Variants in PKD1L3 observed in about 807,000 individuals in gnomAD.
PKD1L3 encodes the protein polycystin-1-like protein 3.
A neutral mutation model predicts 184.1 loss-of-function variants in PKD1L3; 239 were observed. The ratio of observed to expected loss-of-function variants is 1.30; its 90% confidence interval spans 1.17 to 1.45. The LOEUF is 1.45. Among genes scored for constraint, PKD1L3 ranks in the 40% most tolerant of loss-of-function variants. The pLI is 0.00. For synonymous variants in PKD1L3, 996 were observed against 778.8 expected, an observed-to-expected ratio of 1.28 and a Z score of -4.64; for missense variants, 2,660 against 2,067.2, an observed-to-expected ratio of 1.29 and a Z score of -5.56.
chr16:71,935,332 GC>G, intron 26 of PKD1L3, 25 bp downstream of exon 26: 1 of 1,545,560 alleles, frequency 6.5e-7, no homozygotes, highest in Admixed American at 2.0e-5. Flanking sequence ...GTAGGAATAT[GC>G]TGTGCCCCTC....
intron 29 of PKD1L3, 135 bp from the exon 30 acceptor site, chr16:71,929,813 C>T (rs1207584626): frequency 4.9e-6 from 5 of 1,030,472 alleles, no homozygotes; most frequent in Admixed American, 5.9e-5. Context: ...TGCAGTCAGG[C>T]ATTGGAGTGT....
chr16:71,972,060 C>T (rs2039732770), intron 12 of PKD1L3, among the ~76,000 whole-genome samples: 1 of 151,934 alleles, frequency 6.6e-6, no homozygotes, highest in African/African-American at 2.4e-5. Flanking sequence ...AATAAACATA[C>T]ACAAAATTAG....
At chr16:71,931,293 C>T (rs16973500) in intron 28 of PKD1L3, 20,978 of 152,030 alleles carry the variant, frequency 0.14, 1,771 homozygotes, top group South Asian at 0.38. Context: ...AGAACCACAA[C>T]AGAACACAGC....
At chr16:71,984,742 C>CA (rs1395532214) in intron 5 of PKD1L3, among the ~76,000 whole-genome samples, 1 of 152,154 alleles carries the variant, frequency 6.6e-6, no homozygotes, top group Non-Finnish European at 1.5e-5. Flanking sequence ...ACCTGTAGTC[C>CA]CAGCTACTCG....
intron 21 of PKD1L3, among the ~76,000 whole-genome samples, chr16:71,948,002 C>T (rs980746683): frequency 2.0e-5 from 3 of 151,968 alleles, no homozygotes; most frequent in Non-Finnish European, 2.9e-5. Context: ...CTGCAACCTC[C>T]GCTTCCTGGG....
Position 71,984,070 on chromosome 16 carries a change from G to A in PKD1L3, c.932C>T (p.Thr311Ile). The A allele has an allele frequency of 6.4e-7, 1 of 1,552,266 alleles. No homozygotes were observed. The highest frequency in any genetic ancestry group is 8.7e-7 in the Non-Finnish European group (1 of 1,147,082). The change falls in exon 6 of 30, where the codon ACA (threonine) becomes ATA (isoleucine). Residue 311 changes from threonine to isoleucine, a missense_variant. Physicochemically the swap from Thr to Ile is moderately conservative, Grantham distance 89. Transcript: ENST00000620267. ...QEACEFLQKLTALTPRFSKPA... is the reference protein window; with the variant it reads ...QEACEFLQKLIALTPRFSKPA... Reference sequence around the variant, plus strand: ...CTTAGAAAATCTTGGGGTTAAGGCTGTTAGTTTCTGGAGGAACTCACAAGC... The same window carrying A: ...CTTAGAAAATCTTGGGGTTAAGGCTATTAGTTTCTGGAGGAACTCACAAGC...
intron 1 of PKD1L3, among the ~76,000 whole-genome samples, chr16:71,998,719 A>C (rs1317154295): frequency 6.6e-6 from 1 of 152,106 alleles, no homozygotes; most frequent in Non-Finnish European, 1.5e-5. Context: ...CCAAAGTGCT[A>C]GGATTACAGG....
At chr16:71,982,913 A>T (rs1387370925) in intron 6 of PKD1L3, among the ~76,000 whole-genome samples, 1 of 152,160 alleles carries the variant, frequency 6.6e-6, no homozygotes, top group East Asian at 1.9e-4. Flanking sequence ...TTCAATTTGC[A>T]TACTTCTTAT....
At chr16:71,999,046 C>T (rs930759886) in intron 1 of PKD1L3, among the ~76,000 whole-genome samples, 1 of 151,810 alleles carries the variant, frequency 6.6e-6, no homozygotes, top group Non-Finnish European at 1.5e-5. Flanking sequence ...CCGAGGCGGG[C>T]GGATCACGAG....
chr16:71,932,118 A>C (rs1044835686), intron 28 of PKD1L3, among the ~76,000 whole-genome samples: 1 of 152,230 alleles, frequency 6.6e-6, no homozygotes, highest in Non-Finnish European at 1.5e-5. Context: ...GATTGGTTGA[A>C]TCTGTGGATG....
intron 3 of PKD1L3, among the ~76,000 whole-genome samples, chr16:71,992,428 C>A (rs534299828): frequency 6.6e-6 from 1 of 152,312 alleles, no homozygotes; most frequent in South Asian, 2.1e-4. Flanking sequence ...AAGCATTGCT[C>A]TCACTAAACT....
At chr16:71,996,253 C>CTTTTTT (rs67457253) in intron 2 of PKD1L3, among the ~76,000 whole-genome samples, 3 of 67,896 alleles carry the variant, frequency 4.4e-5, no homozygotes, top group Non-Finnish European at 7.5e-5. Flanking sequence ...CCTCCCCCGC[C>CTTTTTT]TTTTTTTTTT....
chr16:71,970,276 C>T (rs1052125118), intron 12 of PKD1L3, among the ~76,000 whole-genome samples, 171 bp from the exon 13 acceptor site: 1 of 152,190 alleles, frequency 6.6e-6, no homozygotes. Context: ...TTAGCAACAT[C>T]TAGTACAGCT....
intron 28 of PKD1L3, among the ~76,000 whole-genome samples, chr16:71,931,962 C>T (rs2037989363): frequency 6.6e-6 from 1 of 152,112 alleles, no homozygotes; most frequent in Non-Finnish European, 1.5e-5. Flanking sequence ...CTCATTGCAT[C>T]CTCACTCCTG....
intron 28 of PKD1L3, among the ~76,000 whole-genome samples, chr16:71,931,469 T>TA (rs1209634118): frequency 6.8e-5 from 10 of 147,174 alleles, no homozygotes; most frequent in Admixed American, 6.1e-4. Context: ...CCCACTTTTT[T>TA]TTTTTTTTTT....
At chr16:71,985,234 T>C (rs936054498) in intron 5 of PKD1L3, among the ~76,000 whole-genome samples, 1 of 152,162 alleles carries the variant, frequency 6.6e-6, no homozygotes, top group African/African-American at 2.4e-5. Flanking sequence ...TTTAAACTCC[T>C]GTAGGTCAGT....
At chr16:71,993,838 G>A (rs564622584) in intron 2 of PKD1L3, among the ~76,000 whole-genome samples, 3 of 152,128 alleles carry the variant, frequency 2.0e-5, no homozygotes, top group South Asian at 2.1e-4. Flanking sequence ...GCAATGGCAC[G>A]ATCTGGGCTC....
intron 11 of PKD1L3, among the ~76,000 whole-genome samples, chr16:71,976,260 C>CTTTTTTT (rs1379463065): frequency 6.9e-5 from 2 of 28,950 alleles, no homozygotes; most frequent in African/African-American, 2.9e-4. Context: ...AGTGCCCAGC[C>CTTTTTTT]TGTCTTTTTT....
At position 71,952,897 on chromosome 16, in the gene PKD1L3, AACT is replaced by A; in HGVS notation, c.3003_3005del (p.Val1002del). ...TAAAATTTGATACCAATCTTACCTCAACTACCATTGTGGCAGAGAGAGGCTCAA... is the reference window on the plus strand; with the variant it reads ...TAAAATTTGATACCAATCTTACCTCAACCATTGTGGCAGAGAGAGGCTCAA... On this transcript the variant is annotated inframe_deletion, in exon 18 of 30. Coordinates refer to ENST00000620267, the MANE Select transcript of PKD1L3 (RefSeq NM_181536.2). The A allele has an allele frequency of 1.3e-6, 2 of 1,539,888 alleles. No homozygotes were observed. The highest frequency in any genetic ancestry group is 1.7e-6 in the Non-Finnish European group (2 of 1,143,752).
Sources: allele counts gnomAD v4.1 joint callset (sites outside exome capture counted in the v4.1 genomes callset), GRCh38; gene constraint gnomAD v4.1.1; transcripts MANE v1.5; gene names NCBI Gene and HGNC (gene_info 2026-07-23, HGNC 2026-07-21).